RALYL: variants seen among roughly 807,000 people sequenced by gnomAD.
RALYL encodes the protein RALY RNA binding protein like, also known as RNA-binding Raly-like protein.
In RALYL, 29 loss-of-function variants were observed where a neutral mutation model predicts 35.1. That is an observed-to-expected ratio of 0.83 (90% CI 0.61 to 1.13). The LOEUF (loss-of-function observed/expected upper bound fraction) is 1.13. RALYL is among the 50% of genes most tolerant of loss of function. The pLI, the probability that RALYL is intolerant of heterozygous loss-of-function variation, is 0.00. For synonymous variants in RALYL, 120 were observed against 127.6 expected (o/e 0.94, Z 0.40); for missense variants, 359 against 360.4 (o/e 1.00, Z 0.03).
At chr8:84,720,012 A>G (rs1843601077) in intron 2 of RALYL, among the ~76,000 whole-genome samples, 1 of 152,098 alleles carries the variant, frequency 6.6e-6, no homozygotes, top group Non-Finnish European at 1.5e-5. Context: ...AAACGATATC[A>G]TATTTGTCTT....
chr8:84,408,052 G>A (rs536852935), intron 1 of RALYL, among the ~76,000 whole-genome samples: 6 of 151,776 alleles, frequency 4.0e-5, no homozygotes, highest in East Asian at 1.9e-4. Flanking sequence ...GAATAAGAAC[G>A]CTATGAAACC....
rs1447824688 is a variant in RALYL at position 84,423,813 on chromosome 8, T to C, written c.-23-105486T>C. On this transcript the variant is annotated intron_variant, in intron 1 of 8. Transcript: ENST00000521268. ...TTATTTCTCCTTCACTTATGAAGCT[T>C]AGTTTGGCTGGATATGAAATTCTGG... Among the ~76,000 whole-genome samples, 6 of 151,794 alleles carry C rather than the reference T, an allele frequency of 4.0e-5. No homozygotes were observed. In the South Asian group the frequency reaches 1.3e-3, roughly 32 times the overall value.
chr8:84,631,984 C>A (rs937168592), intron 2 of RALYL, among the ~76,000 whole-genome samples: 1 of 151,726 alleles, frequency 6.6e-6, no homozygotes, highest in Non-Finnish European at 1.5e-5. Context: ...TTCCACCCCA[C>A]CCCCCTGCCA....
chr8:84,388,704 G>A (rs1011328401), intron 1 of RALYL, among the ~76,000 whole-genome samples: 8 of 151,772 alleles, frequency 5.3e-5, no homozygotes, highest in Non-Finnish European at 1.0e-4. Context: ...TTTTTTTCTT[G>A]TAAATTTGTT....
intron 1 of RALYL, among the ~76,000 whole-genome samples, chr8:84,316,973 A>G (rs1843874304): frequency 6.6e-6 from 1 of 152,074 alleles, no homozygotes; most frequent in South Asian, 2.1e-4. Flanking sequence ...ATAACACTTC[A>G]TTTAATTAGG....
At chr8:84,655,012 C>A (rs1245628794) in intron 2 of RALYL, among the ~76,000 whole-genome samples, 1 of 152,072 alleles carries the variant, frequency 6.6e-6, no homozygotes, top group Non-Finnish European at 1.5e-5. Context: ...TGGGGAACCT[C>A]CAAACTGTTC....
chr8:84,673,382 C>T (rs1833620265), intron 2 of RALYL, among the ~76,000 whole-genome samples: 1 of 152,038 alleles, frequency 6.6e-6, no homozygotes, highest in African/African-American at 2.4e-5. Context: ...AATTAAATCT[C>T]ATTTTTTCAA....
chr8:84,296,568 A>G (rs1839781198), intron 1 of RALYL, among the ~76,000 whole-genome samples: 1 of 151,574 alleles, frequency 6.6e-6, no homozygotes, highest in Non-Finnish European at 1.5e-5. Flanking sequence ...CCGAGTCACA[A>G]GAAAGGCCTG....
chr8:84,559,119 T>C lies in RALYL; in HGVS notation c.256+29542T>C, dbSNP rs568654780. 1.6e-4 allele frequency among the ~76,000 whole-genome samples: 25 copies of C among 152,188 alleles called. No homozygotes were observed. In the South Asian group the frequency reaches 2.3e-3, roughly 14 times the overall value. The stretch of plus-strand genomic sequence containing the variant: ...ACATTTTTTTTAAATTACTGAGTGA[T>C]ATTTTTTTTAAATTACTGAGTGATA... On this transcript the variant is annotated intron_variant, in intron 2 of 8. Coordinates refer to ENST00000521268, the MANE Select transcript of RALYL (RefSeq NM_173848.7).
intron 2 of RALYL, among the ~76,000 whole-genome samples, chr8:84,602,731 G>A (rs141845260): frequency 2.4e-3 from 358 of 152,236 alleles, no homozygotes; most frequent in African/African-American, 5.4e-3. Flanking sequence ...GATATGTATG[G>A]AAACCAGGCT....
intron 1 of RALYL, among the ~76,000 whole-genome samples, chr8:84,399,937 C>A (rs181473751): frequency 6.6e-6 from 1 of 152,024 alleles, no homozygotes; most frequent in Admixed American, 6.6e-5. Flanking sequence ...GCCAACATGG[C>A]GAAACCCTGT....
chr8:84,841,923 G>A (rs1402261514), intron 4 of RALYL, among the ~76,000 whole-genome samples: 1 of 152,134 alleles, frequency 6.6e-6, no homozygotes, highest in African/African-American at 2.4e-5. Flanking sequence ...AAACCAATGA[G>A]AACAAAGTCA....
chr8:84,377,240 C>G (rs2131545545), intron 1 of RALYL, among the ~76,000 whole-genome samples: 1 of 151,716 alleles, frequency 6.6e-6, no homozygotes, highest in Non-Finnish European at 1.5e-5. Context: ...CCAAGTGAGT[C>G]TTGTGAGAAG....
At chr8:84,834,842 C>T (rs192825857) in intron 4 of RALYL, among the ~76,000 whole-genome samples, 1 of 152,268 alleles carries the variant, frequency 6.6e-6, no homozygotes, top group Non-Finnish European at 1.5e-5. Context: ...GAAAGTTCCA[C>T]AGATGTGTAA....
intron 2 of RALYL, among the ~76,000 whole-genome samples, chr8:84,543,980 C>G (rs2060190368): frequency 6.6e-6 from 1 of 151,962 alleles, no homozygotes; most frequent in Non-Finnish European, 1.5e-5. Context: ...CCACAATACA[C>G]CTATAAGTCT....
chr8:84,762,901 T>A (rs1586044598), intron 2 of RALYL, among the ~76,000 whole-genome samples: 1 of 152,294 alleles, frequency 6.6e-6, no homozygotes, highest in East Asian at 1.9e-4. Flanking sequence ...ATTTTTCAAA[T>A]GTCTTTCCTG....
intron 4 of RALYL, among the ~76,000 whole-genome samples, chr8:84,824,768 C>T (rs559800850): frequency 6.6e-6 from 1 of 152,224 alleles, no homozygotes; most frequent in South Asian, 2.1e-4. Context: ...GGGGAATGGA[C>T]TTCCTATTCA....
intron 4 of RALYL, among the ~76,000 whole-genome samples, chr8:84,805,414 C>T (rs997623500): frequency 5.9e-5 from 9 of 152,080 alleles, no homozygotes; most frequent in South Asian, 2.1e-4. Context: ...GTTGGCCAGG[C>T]GCGGTGGTTC....
intron 2 of RALYL, among the ~76,000 whole-genome samples, chr8:84,658,236 T>A (rs890668395): frequency 6.6e-6 from 1 of 152,158 alleles, no homozygotes; most frequent in Admixed American, 6.6e-5. Context: ...TTATTGAATA[T>A]GTGTATTTGG....
Sources: allele counts gnomAD v4.1 joint callset (sites outside exome capture counted in the v4.1 genomes callset), GRCh38; gene constraint gnomAD v4.1.1; transcripts MANE v1.5; gene names NCBI Gene and HGNC (gene_info 2026-07-23, HGNC 2026-07-21).